KRTAP2-2: variants seen among roughly 807,000 people sequenced by gnomAD.
KRTAP2-2 encodes the protein putative keratin-associated protein ENSP00000381495.
KRTAP2-2 carries 3 observed loss-of-function variants against 10.2 expected under a neutral mutation model. That is an observed-to-expected ratio of 0.29 (90% CI 0.13 to 0.76). KRTAP2-2 has a LOEUF of 0.76. Among genes scored for constraint, KRTAP2-2 ranks in the 30% least tolerant of loss-of-function variants. KRTAP2-2 has a pLI of 0.67. For missense variants in KRTAP2-2, 54 were observed against 163.6 expected (o/e 0.33, Z 3.65); for synonymous variants, 20 against 70.8 (o/e 0.28, Z 3.60).
chr17:41,054,985 G>A (rs1212848548), exon 1 of KRTAP2-2: 1 of 1,126,154 alleles, frequency 8.9e-7, no homozygotes, highest in Non-Finnish European at 1.2e-6. Context: ...GCAGGTGATG[G>A]GGCGGCAGCA....
exon 1 of KRTAP2-2, chr17:41,054,728 G>A (rs1391268259): frequency 6.5e-7 from 1 of 1,538,800 alleles, no homozygotes; most frequent in Non-Finnish European, 8.7e-7. Flanking sequence ...CTTCTGAGGG[G>A]CCCTTCGTGA....
At chr17:41,054,554 A>T in exon 1 of KRTAP2-2, 2 of 729,246 alleles carry the variant, frequency 2.7e-6, no homozygotes, top group Non-Finnish European at 4.4e-6. Flanking sequence ...TATAGGAGTT[A>T]GACTGGAGTC....
At chr17:41,055,039 C>T (rs533923593) in exon 1 of KRTAP2-2, 1 of 1,139,212 alleles carries the variant, frequency 8.8e-7, no homozygotes, top group East Asian at 2.6e-5. Context: ...CGGGCGGCGG[C>T]AGGGCTCGCA....
At chr17:41,054,829 C>A in exon 1 of KRTAP2-2, 1 of 1,523,364 alleles carries the variant, frequency 6.6e-7, no homozygotes, top group Non-Finnish European at 8.8e-7. Flanking sequence ...AGGCTGGCAG[C>A]AGGTGGTGGC....
rs1011034652 is a variant in KRTAP2-2, at chr17:41,054,558, T to C, written c.*282A>G. 12 of 758,912 alleles carry C rather than the reference T, an allele frequency of 1.6e-5. No homozygotes were observed. In the African/African-American group the frequency reaches 2.1e-4, roughly 14 times the overall value. 47.0% of individuals were successfully genotyped at this position (758,912 alleles called of 1,614,324 possible). ...AGACAACATGATATAGGAGTTAGACTGGAGTCCTAGGAAAAGTATTTCTCA... is the reference window on the plus strand; with the variant it reads ...AGACAACATGATATAGGAGTTAGACCGGAGTCCTAGGAAAAGTATTTCTCA... On this transcript the variant is annotated 3_prime_UTR_variant, in exon 1 of 1. Coordinates refer to ENST00000398477, the Ensembl canonical transcript of KRTAP2-2.
chr17:41,054,655 C>T, exon 1 of KRTAP2-2: 2 of 1,491,362 alleles, frequency 1.3e-6, no homozygotes, highest in Non-Finnish European at 1.8e-6. Context: ...AAATGGGCTT[C>T]TCAAGGAAAC....
chr17:41,054,753 G>T (rs775373787), exon 1 of KRTAP2-2: 2 of 1,540,922 alleles, frequency 1.3e-6, no homozygotes, highest in Middle Eastern at 2.3e-4. Flanking sequence ...GGGCTGCTCA[G>T]CAGGAGGAGG....
At chr17:41,054,518 A>C in exon 1 of KRTAP2-2, 1 of 614,344 alleles carries the variant, frequency 1.6e-6, no homozygotes, top group Non-Finnish European at 2.8e-6. Context: ...AGGAGTATTG[A>C]GTTTATTAGA....
At chr17:41,055,105 C>A (rs1249157718) in exon 1 of KRTAP2-2, 1 of 1,311,484 alleles carries the variant, frequency 7.6e-7, no homozygotes, top group African/African-American at 1.6e-5. Flanking sequence ...GGTGGTCTGG[C>A]AGGTCACGGG....
chr17:41,055,110 C>T, exon 1 of KRTAP2-2: 1 of 1,310,602 alleles, frequency 7.6e-7, no homozygotes, highest in Non-Finnish European at 1.0e-6. Context: ...TCTGGCAGGT[C>T]ACGGGGCGGC....
At chr17:41,054,626 G>A in exon 1 of KRTAP2-2, 2 of 1,370,010 alleles carry the variant, frequency 1.5e-6, no homozygotes, top group Non-Finnish European at 2.0e-6. Context: ...CATAGTGTGA[G>A]CTAGTATGAA....
chr17:41,055,182 G>C (rs62624962), exon 1 of KRTAP2-2: 164,713 of 1,409,546 alleles, frequency 0.12, 10,878 homozygotes, highest in African/African-American at 0.16. Context: ...TCAGGGAGGA[G>C]AAGGTGGAGC....
exon 1 of KRTAP2-2, chr17:41,055,116 G>C: frequency 7.6e-7 from 1 of 1,319,974 alleles, no homozygotes; most frequent in South Asian, 1.5e-5. Context: ...AGGTCACGGG[G>C]CGGCAGCAGC....
exon 1 of KRTAP2-2, chr17:41,054,738 A>G: frequency 1.3e-6 from 2 of 1,533,504 alleles, no homozygotes; most frequent in Non-Finnish European, 1.8e-6. Flanking sequence ...GCCCTTCGTG[A>G]TAACGGGCTG....
chr17:41,054,678 G>A (rs1056548522), exon 1 of KRTAP2-2: 5 of 1,524,480 alleles, frequency 3.3e-6, no homozygotes, highest in African/African-American at 2.8e-5. Flanking sequence ...GTATTGCTCT[G>A]CGGTGAAGCC....
At chr17:41,054,657 C>T in exon 1 of KRTAP2-2, 1 of 1,496,036 alleles carries the variant, frequency 6.7e-7, no homozygotes. Flanking sequence ...ATGGGCTTCT[C>T]AAGGAAACGT....
At chr17:41,054,623 T>C (rs2143799815) in exon 1 of KRTAP2-2, 1 of 1,352,194 alleles carries the variant, frequency 7.4e-7, no homozygotes, top group East Asian at 2.5e-5. Context: ...ATGCATAGTG[T>C]GAGCTAGTAT....
At chr17:41,054,784 G>T (rs1011520998) in exon 1 of KRTAP2-2, 1 of 1,539,440 alleles carries the variant, frequency 6.5e-7, no homozygotes, top group Non-Finnish European at 8.7e-7. Context: ...GGTGCTGCAA[G>T]GGGTCGGCTG....
rs2013050296 is a variant in KRTAP2-2 at position 41,055,038 on chromosome 17, G to T, written c.174C>A (p.Cys58Ter). Residue 58 changes from cysteine (C) to a stop codon, truncating the protein, a stop_gained, in exon 1 of 1, where the codon TGC (cysteine) becomes TGA (stop). Transcript: ENST00000398477. LOFTEE classifies it high-confidence loss of function. ...AGGGGTCGCAGCACACCGGGCGGCG[G>T]CAGGGCTCGCAGATGGGGCGCGTGC... 4.4e-6 allele frequency: 5 copies of T among 1,129,736 alleles called. No individual in the cohort carries two copies. Among genetic ancestry groups the T allele is most frequent in the Non-Finnish European group, 6.1e-6 (5 of 824,138 alleles). The allele number at this position is 1,129,736 out of a possible 1,614,324, so 70.0% of individuals were successfully genotyped here. A position where few individuals can be genotyped will look rare whatever the true frequency, so the allele number is the denominator to read the frequency against.
Sources: allele counts gnomAD v4.1 joint callset, GRCh38; gene constraint gnomAD v4.1.1; transcripts MANE v1.5; gene names NCBI Gene and HGNC (gene_info 2026-07-23, HGNC 2026-07-21).